The following SLC16A7 variants were observed in gnomAD, a reference collection of about 807,000 sequenced individuals.
The protein encoded by SLC16A7 is monocarboxylate transporter 2.
Under a neutral mutation model 34.9 loss-of-function variants are expected in SLC16A7, and 33 were observed. The observed-to-expected ratio is 0.94, with a 90% CI of 0.72 to 1.26. The LOEUF is 1.26. Among genes scored for constraint, SLC16A7 ranks in the 50% most tolerant of loss-of-function variants. The pLI is 0.00. For missense variants in SLC16A7, 573 were observed against 578.1 expected (o/e 0.99, Z 0.09); for synonymous variants, 201 against 206.6 (o/e 0.97, Z 0.23).
At chr12:59,602,007 A>G (rs574147994) in intron 1 of SLC16A7, among the ~76,000 whole-genome samples, 1 of 152,334 alleles carries the variant, frequency 6.6e-6, no homozygotes, top group Non-Finnish European at 1.5e-5. Context: ...AGTCATTGTA[A>G]CAATCAAAAA....
At chr12:59,670,190 CA>C (rs1390409127) in intron 2 of SLC16A7, among the ~76,000 whole-genome samples, 1 of 152,178 alleles carries the variant, frequency 6.6e-6, no homozygotes, top group African/African-American at 2.4e-5. Context: ...CTTCAAATGA[CA>C]TTTTCCCTGT....
intron 1 of SLC16A7, among the ~76,000 whole-genome samples, chr12:59,640,643 G>A (rs1007251941): frequency 6.6e-6 from 1 of 151,970 alleles, no homozygotes; most frequent in Non-Finnish European, 1.5e-5. Context: ...CAATTGTGTA[G>A]GATTTTTTTT....
At chr12:59,707,326 A>C (rs1169866961) in intron 3 of SLC16A7, among the ~76,000 whole-genome samples, 1 of 152,050 alleles carries the variant, frequency 6.6e-6, no homozygotes, top group Non-Finnish European at 1.5e-5. Context: ...CATTGAACAA[A>C]AGAAGCATGT....
intron 3 of SLC16A7, among the ~76,000 whole-genome samples, chr12:59,726,245 ACT>A (rs1231888469): frequency 6.6e-6 from 1 of 151,988 alleles, no homozygotes; most frequent in Non-Finnish European, 1.5e-5. Flanking sequence ...GTGACGTGAG[ACT>A]CTTTTGAGAA....
At chr12:59,667,615 G>A (rs1447254848) in intron 2 of SLC16A7, among the ~76,000 whole-genome samples, 2 of 152,210 alleles carry the variant, frequency 1.3e-5, no homozygotes, top group East Asian at 3.9e-4. Context: ...AGGAAGCAGA[G>A]CATAAAAGTT....
intron 4 of SLC16A7, among the ~76,000 whole-genome samples, chr12:59,773,246 C>T (rs1882409952): frequency 6.6e-6 from 1 of 152,104 alleles, no homozygotes; most frequent in African/African-American, 2.4e-5. Flanking sequence ...GCATATCTCA[C>T]AGGTATGGCT....
chr12:59,658,654 A>G (rs1326727161), intron 2 of SLC16A7, among the ~76,000 whole-genome samples: 1 of 151,980 alleles, frequency 6.6e-6, no homozygotes, highest in Non-Finnish European at 1.5e-5. Context: ...CCAGCTGTTA[A>G]TATATTCTCC....
At chr12:59,605,487 T>C (rs567310276) in intron 1 of SLC16A7, among the ~76,000 whole-genome samples, 2 of 152,266 alleles carry the variant, frequency 1.3e-5, no homozygotes, top group African/African-American at 4.8e-5. Flanking sequence ...TAGATGGGTA[T>C]ATATCAAATT....
chr12:59,663,799 G>T (rs1868983024), intron 2 of SLC16A7, among the ~76,000 whole-genome samples: 2 of 151,924 alleles, frequency 1.3e-5, no homozygotes, highest in Admixed American at 6.6e-5. Flanking sequence ...AAAGCATTTG[G>T]TTTATTTGGT....
intron 2 of SLC16A7, among the ~76,000 whole-genome samples, chr12:59,686,153 A>G (rs1330447294): frequency 3.3e-5 from 3 of 91,518 alleles, no homozygotes; most frequent in Non-Finnish European, 6.4e-5. Flanking sequence ...CATAGTTTTT[A>G]GGAGCTTGGA....
chr12:59,684,551 T>C (rs1260176924), intron 2 of SLC16A7, among the ~76,000 whole-genome samples: 2 of 152,008 alleles, frequency 1.3e-5, no homozygotes, highest in African/African-American at 4.8e-5. Context: ...AAACATAGTG[T>C]CTCTGGTGGA....
chr12:59,669,543 A>G (rs753182633), intron 2 of SLC16A7, among the ~76,000 whole-genome samples: 4 of 152,102 alleles, frequency 2.6e-5, no homozygotes, highest in Admixed American at 6.6e-5. Flanking sequence ...GATTACACAA[A>G]TACATTTAAC....
In SLC16A7 at chr12:59,781,202, A is replaced by C. The variant is rs931970355; in HGVS notation, c.*1523A>C. 10 of 152,400 alleles carry C rather than the reference A, an allele frequency of 6.6e-5. No homozygotes were observed. The highest frequency in any genetic ancestry group is 2.2e-4 in the African/African-American group (9 of 41,454). The allele number at this position is 152,400 out of a possible 1,614,324, so 9.4% of individuals were successfully genotyped here. On this transcript the variant is annotated 3_prime_UTR_variant, in exon 6 of 6. Transcript: ENST00000547379. The stretch of plus-strand genomic sequence containing the variant: ...CTATAAATACCATTTTGAGTGAGAA[A>C]GTACTTTTAAACAAGAAAGAAATTG...
chr12:59,643,666 T>C (rs916188492), intron 1 of SLC16A7, among the ~76,000 whole-genome samples: 2 of 152,182 alleles, frequency 1.3e-5, no homozygotes, highest in African/African-American at 4.8e-5. Flanking sequence ...ATTTACAATA[T>C]AGCTTACTGT....
At chr12:59,744,342 G>C (rs763071250) in intron 3 of SLC16A7, among the ~76,000 whole-genome samples, 1 of 152,142 alleles carries the variant, frequency 6.6e-6, no homozygotes, top group Non-Finnish European at 1.5e-5. Flanking sequence ...ATGGTTGGAC[G>C]TCAGAGAGAA....
At chr12:59,649,015 G>A (rs555176907) in intron 1 of SLC16A7, among the ~76,000 whole-genome samples, 3 of 152,248 alleles carry the variant, frequency 2.0e-5, no homozygotes, top group Admixed American at 6.5e-5. Context: ...TGAAGTGAAT[G>A]TAAGTGAAAA....
chr12:59,733,706 C>T (rs1358174886), intron 3 of SLC16A7: 4 of 455,994 alleles, frequency 8.8e-6, no homozygotes, highest in East Asian at 7.0e-5. Context: ...GTTTCAGTCC[C>T]GCCATTCAGC....
At chr12:59,629,011 T>G (rs1880059310) in intron 1 of SLC16A7, among the ~76,000 whole-genome samples, 1 of 151,858 alleles carries the variant, frequency 6.6e-6, no homozygotes, top group South Asian at 2.1e-4. Context: ...AAGTTCAAGA[T>G]CAAGGTGCTA....
intron 3 of SLC16A7, among the ~76,000 whole-genome samples, chr12:59,728,208 G>A (rs1178253153): frequency 6.6e-6 from 1 of 152,186 alleles, no homozygotes; most frequent in Non-Finnish European, 1.5e-5. Flanking sequence ...GGGTGATTAG[G>A]ATGACCATGG....
Sources: allele counts gnomAD v4.1 joint callset (sites outside exome capture counted in the v4.1 genomes callset), GRCh38; gene constraint gnomAD v4.1.1; transcripts MANE v1.5; gene names NCBI Gene and HGNC (gene_info 2026-07-23, HGNC 2026-07-21).